SARDH: variants seen among roughly 807,000 people sequenced by gnomAD.
SARDH encodes the protein sarcosine dehydrogenase, mitochondrial.
SARDH carries 95 observed loss-of-function variants against 109.1 expected under a neutral mutation model. That is an observed-to-expected ratio of 0.87 (90% CI 0.74 to 1.03). The LOEUF (loss-of-function observed/expected upper bound fraction) is 1.03, where lower values mean the gene tolerates loss of function less well. Among genes scored for constraint, SARDH ranks in the 50% least tolerant of loss-of-function variants. The pLI, the probability that SARDH is intolerant of heterozygous loss-of-function variation, is 0.00. For synonymous variants in SARDH, 572 were observed against 534.8 expected (o/e 1.07, Z -0.96); for missense variants, 1,267 against 1,287.8 (o/e 0.98, Z 0.25).
At chr9:133,696,405 G>T in intron 13 of SARDH, 44 bp from the exon 14 acceptor site, 1 of 1,612,950 alleles carries the variant, frequency 6.2e-7, no homozygotes, top group Non-Finnish European at 8.5e-7. Flanking sequence ...GGGCCTTTGG[G>T]GTGTGCTTCT....
At chr9:133,710,427 G>A (rs1831874462) in intron 10 of SARDH, among the ~76,000 whole-genome samples, 1 of 152,256 alleles carries the variant, frequency 6.6e-6, no homozygotes, top group Non-Finnish European at 1.5e-5. Context: ...GCGCAGCCCG[G>A]AGCCCAGACA....
intron 17 of SARDH, among the ~76,000 whole-genome samples, chr9:133,677,871 G>A (rs971648725): frequency 2.0e-5 from 3 of 152,264 alleles, no homozygotes; most frequent in Admixed American, 1.3e-4. Flanking sequence ...TGGACTATAG[G>A]TTGTGATGAG....
At chr9:133,683,168 C>T (rs1830759100) in intron 17 of SARDH, among the ~76,000 whole-genome samples, 1 of 152,204 alleles carries the variant, frequency 6.6e-6, no homozygotes, top group Admixed American at 6.5e-5. Flanking sequence ...CCCAGGCAGC[C>T]ACTGCCTAGG....
chr9:133,688,181 C>T (rs967573347), intron 16 of SARDH, among the ~76,000 whole-genome samples: 17 of 152,200 alleles, frequency 1.1e-4, no homozygotes, highest in Non-Finnish European at 1.9e-4. Context: ...GTTGGGGTCA[C>T]CCAGGTGAGA....
chr9:133,732,641 G>T (rs755288789), intron 2 of SARDH, 40 bp from the exon 3 acceptor site: 1 of 1,554,902 alleles, frequency 6.4e-7, no homozygotes, highest in Non-Finnish European at 8.7e-7. Context: ...CCAGGGAGTG[G>T]ACTGCACCTC....
intron 12 of SARDH, 73 bp from the exon 13 acceptor site, chr9:133,703,102 C>G: frequency 7.4e-7 from 1 of 1,349,870 alleles, no homozygotes; most frequent in Non-Finnish European, 1.0e-6. Context: ...AGCGGGGTCC[C>G]GCTGAGGCTG....
At chr9:133,715,938 T>G (rs1832104873) in intron 8 of SARDH, among the ~76,000 whole-genome samples, 1 of 152,246 alleles carries the variant, frequency 6.6e-6, no homozygotes, top group Non-Finnish European at 1.5e-5. Flanking sequence ...GGGGCAACAC[T>G]GTGTCTTCCT....
At chr9:133,696,178 C>T in intron 14 of SARDH, 45 bp downstream of exon 14, 2 of 1,607,754 alleles carry the variant, frequency 1.2e-6, no homozygotes, top group Non-Finnish European at 1.7e-6. Flanking sequence ...TGAGGCTGTG[C>T]CCATGGAGTG....
Position 133,663,707 on chromosome 9 carries a change from C to T in SARDH, c.*182G>A, listed in dbSNP as rs1424249695. On this transcript the variant is annotated 3_prime_UTR_variant, in exon 21 of 21. Transcript: ENST00000439388. ...TTAGAGACTGCCTTCCAGTCAGTGA[C>T]CACAGGATGGGCCATCTTGGTCTCT... is the stretch of plus-strand genomic sequence containing the variant. 3 of 803,940 alleles carry T rather than the reference C, an allele frequency of 3.7e-6. No individual in the cohort carries two copies. The highest frequency in any genetic ancestry group is 6.0e-6 in the Non-Finnish European group (3 of 497,926). 49.8% of individuals were successfully genotyped at this position (803,940 alleles called of 1,614,324 possible).
chr9:133,678,630 C>T (rs576035920), intron 17 of SARDH, among the ~76,000 whole-genome samples: 5 of 152,296 alleles, frequency 3.3e-5, no homozygotes, highest in South Asian at 4.1e-4. Context: ...AAGCACTGCA[C>T]GGAGAGGCCA....
chr9:133,735,855 C>A (rs919580412), intron 1 of SARDH, among the ~76,000 whole-genome samples: 1 of 149,980 alleles, frequency 6.7e-6, no homozygotes, highest in South Asian at 2.1e-4. Context: ...ACCAGCCTGA[C>A]CAACATGGAG....
chr9:133,677,010 G>A (rs1183516254), intron 17 of SARDH, among the ~76,000 whole-genome samples: 1 of 152,100 alleles, frequency 6.6e-6, no homozygotes, highest in Non-Finnish European at 1.5e-5. Context: ...GTGGTGATGG[G>A]CACCTTTAGT....
Position 133,708,321 on chromosome 9 carries a change from G to GCCAGC in SARDH, c.1431_1435dup (p.Ala479GlyfsTer7). The GCCAGC allele has an allele frequency of 6.2e-7, 1 of 1,613,336 alleles. No homozygotes were observed. The highest frequency in any genetic ancestry group is 1.7e-4 in the Middle Eastern group (1 of 6,058). On this transcript the variant is annotated frameshift_variant, in exon 11 of 21. Transcript: ENST00000439388. LOFTEE classifies it high-confidence loss of function. ...CGGGTCTCTCCTCATGTTGCGCCCG[G>GCCAGC]CCAGCGGCTCATCGTGGGGGAAGAC...
rs756050580 is a variant in SARDH at position 133,732,507 on chromosome 9, TC to T, written c.425del (p.Gly142AspfsTer41). 2 of 1,613,444 alleles carry T rather than the reference TC, an allele frequency of 1.2e-6. No individual in the cohort carries two copies. The highest frequency in any genetic ancestry group is 2.7e-5 in the African/African-American group (2 of 74,758). ...VVSRELEEET[G>X]LHTGWIQNGG... is the part of the protein sequence containing the mutation. ...CATTCTGGATCCAGCCCGTGTGTAGTCCCGTCTCCTCCTCCAGCTCCCGGCT... is the reference window on the plus strand; with the variant it reads ...CATTCTGGATCCAGCCCGTGTGTAGTCCGTCTCCTCCTCCAGCTCCCGGCT... On this transcript the variant is annotated frameshift_variant, in exon 3 of 21. Coordinates refer to ENST00000439388, the MANE Select transcript of SARDH (RefSeq NM_001134707.2). LOFTEE classifies it high-confidence loss of function.
chr9:133,685,879 T>C (rs1830866976), intron 16 of SARDH, among the ~76,000 whole-genome samples: 1 of 152,206 alleles, frequency 6.6e-6, no homozygotes, highest in South Asian at 2.1e-4. Context: ...CACCCCGCTC[T>C]GTTCCCTGAC....
At chr9:133,695,375 G>A (rs188966792) in intron 14 of SARDH, among the ~76,000 whole-genome samples, 11 of 152,342 alleles carry the variant, frequency 7.2e-5, no homozygotes, top group South Asian at 6.2e-4. Flanking sequence ...CCCAGGAGGC[G>A]GAGGTTGCAG....
At chr9:133,716,123 C>T (rs1234981098) in intron 8 of SARDH, among the ~76,000 whole-genome samples, 1 of 152,226 alleles carries the variant, frequency 6.6e-6, no homozygotes, top group Non-Finnish European at 1.5e-5. Context: ...CCCTCCAGGG[C>T]CGGGCTAGGC....
chr9:133,715,424 C>G (rs2427982), intron 8 of SARDH, among the ~76,000 whole-genome samples: 135,136 of 152,174 alleles, frequency 0.89, 60,179 homozygotes, highest in Admixed American at 0.93. Context: ...ACGCAAGCTG[C>G]GGGGTGGGGG....
intron 13 of SARDH, 88 bp from the exon 14 acceptor site, chr9:133,696,449 A>G: frequency 6.5e-7 from 1 of 1,540,890 alleles, no homozygotes; most frequent in Non-Finnish European, 8.9e-7. Flanking sequence ...GGCTGTGTCC[A>G]ACACACCTGT....
Sources: allele counts gnomAD v4.1 joint callset (sites outside exome capture counted in the v4.1 genomes callset), GRCh38; gene constraint gnomAD v4.1.1; transcripts MANE v1.5; gene names NCBI Gene and HGNC (gene_info 2026-07-23, HGNC 2026-07-21).